WSCD1: variants seen among roughly 807,000 people sequenced by gnomAD.
The protein encoded by WSCD1 is WSC domain sialate O sulfotransferase 1, also known as sialate:O-sulfotransferase 1.
WSCD1 carries 41 observed loss-of-function variants against 60.4 expected under a neutral mutation model. The ratio of observed to expected loss-of-function variants is 0.68; its 90% confidence interval spans 0.53 to 0.88. The LOEUF (loss-of-function observed/expected upper bound fraction) is 0.88. WSCD1 is among the 40% of genes least tolerant of loss of function. The probability of loss-of-function intolerance (pLI) is 0.00; values close to 1 mark genes in which losing one functional copy is unlikely to be tolerated. For missense variants in WSCD1, 784 were observed against 796.2 expected, an observed-to-expected ratio of 0.98 and a Z score of 0.18; for synonymous variants, 361 against 332.5, an observed-to-expected ratio of 1.09 and a Z score of -0.93.
In WSCD1 at chr17:6,097,431, T is replaced by C. The variant is rs12453398; in HGVS notation, c.849+2208T>C. On this transcript the variant is annotated intron_variant, in intron 5 of 8. Transcript: ENST00000317744. ...CAGAGAGACTGAATATTCAAGCAAC[T>C]GCATCCTTGCCCATTCTCTAACAAG... Among the ~76,000 whole-genome samples the C allele has an allele frequency of 0.022, 3,393 of 152,344 alleles. 306 individuals carry two copies. The East Asian group carries it at 0.24, about 11-fold the overall frequency.
Position 6,110,659 on chromosome 17 carries a change from C to G in WSCD1, c.1010-112C>G, listed in dbSNP as rs1423368147. Reference sequence around the variant, plus strand: ...CTTCCCTTCTTTGGGCCTTGGTTCCCCCATCTATTAAATGGGAGTCTTCGT... The same window carrying G: ...CTTCCCTTCTTTGGGCCTTGGTTCCGCCATCTATTAAATGGGAGTCTTCGT... On this transcript the variant is annotated intron_variant, in intron 6 of 8. Transcript: ENST00000317744. This position sits in a 1 kb window ranked among gnomAD's most constrained non-coding sequence, Gnocchi z 4.8. 1 of 1,377,438 alleles carries G rather than the reference C, an allele frequency of 7.3e-7. No individual in the cohort carries two copies. Among genetic ancestry groups the G allele is most frequent in the African/African-American group, 1.5e-5 (1 of 68,942 alleles). 85.3% of individuals were successfully genotyped at this position (1,377,438 alleles called of 1,614,324 possible).
chr17:6,115,587 C>CT (rs1481589605), intron 7 of WSCD1, among the ~76,000 whole-genome samples: 2 of 151,646 alleles, frequency 1.3e-5, no homozygotes, highest in Non-Finnish European at 2.9e-5. Flanking sequence ...TTTTTCTTTT[C>CT]TTTTCTTTTC....
At position 6,110,739 on chromosome 17, in the gene WSCD1, G is replaced by C. The variant is rs145576978; in HGVS notation, c.1010-32G>C. Reference sequence around the variant, plus strand: ...TGAATTGGTGAGTCATAATGGAAGTGAGTAACCCCGTGATGACTTTTGGAC... The same window carrying C: ...TGAATTGGTGAGTCATAATGGAAGTCAGTAACCCCGTGATGACTTTTGGAC... On this transcript the variant is annotated intron_variant, in intron 6 of 8. Transcript: ENST00000317744. This position sits in a 1 kb window ranked among gnomAD's most constrained non-coding sequence, Gnocchi z 4.8. The C allele has an allele frequency of 8.1e-5, 129 of 1,589,898 alleles. No individual in the cohort carries two copies. The East Asian group carries it at 2.5e-3, about 31-fold the overall frequency.
At chr17:6,113,399 A>G (rs544379228) in intron 7 of WSCD1, among the ~76,000 whole-genome samples, 88 of 152,332 alleles carry the variant, frequency 5.8e-4, no homozygotes, top group African/African-American at 2.0e-3. Flanking sequence ...GCTAGAAGAA[A>G]ACGGGGAATA....
chr17:6,118,210 G>T lies in WSCD1; in HGVS notation c.1375+22G>T. On this transcript the variant is annotated intron_variant, in intron 8 of 8. Transcript: ENST00000317744. This position sits in a 1 kb window ranked among gnomAD's most constrained non-coding sequence, Gnocchi z 5.8. ...AAAGGTAATCAAGGACCTTGCGGTG[G>T]GGGTGGGAGGCTTGTCAGTACAGGT... 6.2e-7 allele frequency: 1 copy of T among 1,611,970 alleles called. No individual in the cohort carries two copies. Among genetic ancestry groups the T allele is most frequent in the South Asian group, 1.1e-5 (1 of 90,860 alleles).
Position 6,123,852 on chromosome 17 carries a change from G to T in WSCD1, c.*3191G>T, listed in dbSNP as rs1285569384. On this transcript the variant is annotated 3_prime_UTR_variant, in exon 9 of 9. Transcript: ENST00000317744. ...AGTCGTCAGACTGAAAGGCCAGGTT[G>T]TAGTCCCAGCTCTTATCTGCCATCT... is the stretch of plus-strand genomic sequence containing the variant. The T allele has an allele frequency of 6.6e-6, 1 of 152,220 alleles. No individual in the cohort carries two copies. The highest frequency in any genetic ancestry group is 1.5e-5 in the Non-Finnish European group (1 of 68,046). 9.4% of individuals were successfully genotyped at this position (152,220 alleles called of 1,614,324 possible).
upstream of WSCD1, among the ~76,000 whole-genome samples, chr17:6,069,511 T>C (rs945778734): frequency 8.6e-5 from 13 of 151,506 alleles, no homozygotes; most frequent in African/African-American, 3.2e-4. Flanking sequence ...GACACCAGTG[T>C]GTGACATTGC....
intron 1 of WSCD1, among the ~76,000 whole-genome samples, chr17:6,073,398 G>A (rs1908660739): frequency 6.6e-6 from 1 of 152,204 alleles, no homozygotes; most frequent in South Asian, 2.1e-4. Flanking sequence ...TGGAAGCCAA[G>A]GTGGGCAGAT....
chr17:6,094,653 T>G (rs1910286116), intron 4 of WSCD1, among the ~76,000 whole-genome samples: 1 of 133,916 alleles, frequency 7.5e-6, no homozygotes, highest in Non-Finnish European at 1.6e-5. Flanking sequence ...AAGGCTGGCA[T>G]TATGGAGAAC....
Position 6,120,404 on chromosome 17 carries a change from G to A in WSCD1, c.1471G>A (p.Glu491Lys), listed in dbSNP as rs766234622. 6.8e-6 allele frequency: 11 copies of A among 1,613,954 alleles called. No individual in the cohort carries two copies. Among genetic ancestry groups the A allele is most frequent in the Middle Eastern group, 1.6e-4 (1 of 6,084 alleles). The change falls in exon 9 of 9, where the codon GAG becomes AAG. Residue 491 changes from glutamate to lysine, a missense_variant. Glu to Lys is a moderately conservative substitution (Grantham distance 56). Transcript: ENST00000317744. ...GAAGCGGCTGCTGGTGGTGCACTACGAGGAGCTGCGGCGCAGCCTGGTGCC... is the reference window on the plus strand; with the variant it reads ...GAAGCGGCTGCTGGTGGTGCACTACAAGGAGCTGCGGCGCAGCCTGGTGCC... ...YGKRLLVVHYEELRRSLVPTL... is the reference protein window; with the variant it reads ...YGKRLLVVHYKELRRSLVPTL...
chr17:6,082,436 C>G (rs115977663), intron 2 of WSCD1, among the ~76,000 whole-genome samples: 2,293 of 152,302 alleles, frequency 0.015, 69 homozygotes, highest in African/African-American at 0.052. Context: ...AAGTGGCAGG[C>G]CTGGGAGACA....
At chr17:6,103,864 C>T (rs1157557487) in intron 5 of WSCD1, among the ~76,000 whole-genome samples, 1 of 152,180 alleles carries the variant, frequency 6.6e-6, no homozygotes, top group Non-Finnish European at 1.5e-5. Context: ...TTTCAATCCC[C>T]AGATCCACCA....
intron 1 of WSCD1, among the ~76,000 whole-genome samples, chr17:6,070,910 G>A (rs1908501798): frequency 6.6e-6 from 1 of 151,344 alleles, no homozygotes; most frequent in Non-Finnish European, 1.5e-5. Context: ...GCCGGGATGG[G>A]GTGGGGGTGC....
chr17:6,077,544 A>C (rs1908946269), intron 1 of WSCD1, among the ~76,000 whole-genome samples: 1 of 151,782 alleles, frequency 6.6e-6, no homozygotes, highest in Admixed American at 6.6e-5. Flanking sequence ...ACCAGCACCC[A>C]CCTCCCCAGA....
chr17:6,109,510 G>A (rs1052930395), intron 5 of WSCD1, 97 bp from the exon 6 acceptor site: 2 of 1,499,420 alleles, frequency 1.3e-6, no homozygotes, highest in Non-Finnish European at 1.8e-6. Flanking sequence ...AGATACAGCT[G>A]GCAATACATC....
rs374993811 is a variant in WSCD1, at chr17:6,090,539, G to A, written c.727+34G>A. Reference sequence around the variant, plus strand: ...GCCAGCCTCTTCCTGAGCTTTGTCCGTCTGTCCCACCCGCTCTGGCTGCCC... The same window carrying A: ...GCCAGCCTCTTCCTGAGCTTTGTCCATCTGTCCCACCCGCTCTGGCTGCCC... On this transcript the variant is annotated intron_variant, in intron 4 of 8. Transcript: ENST00000317744. 1.2e-5 allele frequency: 20 copies of A among 1,607,158 alleles called. 1 individual carries two copies. Among genetic ancestry groups the A allele is most frequent in the South Asian group, 4.4e-5 (4 of 90,120 alleles).
chr17:6,083,079 A>G (rs1328562795), intron 2 of WSCD1, among the ~76,000 whole-genome samples: 2 of 152,208 alleles, frequency 1.3e-5, no homozygotes, highest in African/African-American at 2.4e-5. Flanking sequence ...TGACACAGGC[A>G]TGATTTCTGC....
chr17:6,080,427 G>A lies in WSCD1; in HGVS notation c.-232G>A, dbSNP rs1321409032. 1 of 556,358 alleles carries A rather than the reference G, an allele frequency of 1.8e-6. No homozygotes were observed. Among genetic ancestry groups the A allele is most frequent in the Non-Finnish European group, 3.1e-6 (1 of 317,686 alleles). The allele number at this position is 556,358 out of a possible 1,614,324, so 34.5% of individuals were successfully genotyped here. On this transcript the variant is annotated 5_prime_UTR_variant, in exon 2 of 9. Transcript: ENST00000317744. The surrounding 1 kb of genome is among the most constrained non-coding windows in gnomAD (Gnocchi z 6.6). Reference sequence around the variant, plus strand: ...GCCCTGGAATGGAGATGTCCTTGACGCCTGGGCAGAGGCTGCAGCTGCAGG... The same window carrying A: ...GCCCTGGAATGGAGATGTCCTTGACACCTGGGCAGAGGCTGCAGCTGCAGG...
At chr17:6,079,586 T>C (rs1217831996) in intron 1 of WSCD1, among the ~76,000 whole-genome samples, 2 of 152,162 alleles carry the variant, frequency 1.3e-5, no homozygotes, top group African/African-American at 4.8e-5. Flanking sequence ...GTCCTTTGAT[T>C]CTGGCCTCTG....
Sources: gnomAD v4.1 joint callset for allele counts (sites outside exome capture counted in the v4.1 genomes callset) on GRCh38, gnomAD v4.1.1 for gene constraint, Gnocchi (gnomAD v3.1) non-coding constraint, MANE v1.5 for transcripts, NCBI Gene and HGNC (gene_info 2026-07-23, HGNC 2026-07-21) for gene names.